The following TIAM2 variants were observed in gnomAD, a reference collection of about 807,000 sequenced individuals.
TIAM2 encodes rho guanine nucleotide exchange factor TIAM2.
In TIAM2, 80 loss-of-function variants were observed where a neutral mutation model predicts 152.9. The observed-to-expected ratio is 0.52, with a 90% CI of 0.44 to 0.63. The LOEUF (loss-of-function observed/expected upper bound fraction) is 0.63. Among genes scored for constraint, TIAM2 ranks in the 30% least tolerant of loss-of-function variants. The pLI, the probability that TIAM2 is intolerant of heterozygous loss-of-function variation, is 0.00. For synonymous variants in TIAM2, 804 were observed against 838.0 expected (o/e 0.96, Z 0.70); for missense variants, 1,965 against 2,120.1 (o/e 0.93, Z 1.44).
intron 14 of TIAM2, among the ~76,000 whole-genome samples, chr6:155,185,455 T>A (rs1360654774): frequency 6.6e-6 from 1 of 151,834 alleles, no homozygotes; most frequent in Non-Finnish European, 1.5e-5. Context: ...AATTTTTTTT[T>A]AAATAGTAAG....
chr6:155,102,767 TTGTGTG>T (rs56117781), intron 2 of TIAM2, among the ~76,000 whole-genome samples: 7,268 of 145,678 alleles, frequency 0.05, 336 homozygotes, highest in African/African-American at 0.12. Context: ...GATTAATTTA[TTGTGTG>T]TGTGTGTGTG....
chr6:155,153,624 T>TTC (rs1172310710), intron 7 of TIAM2, among the ~76,000 whole-genome samples: 1 of 135,740 alleles, frequency 7.4e-6, no homozygotes, highest in East Asian at 2.0e-4. Context: ...GTTTACGCTT[T>TTC]TTTTTTTTTT....
Position 155,225,838 on chromosome 6 carries a change from G to A in TIAM2, c.3168+14531G>A, listed in dbSNP as rs1007658864. On this transcript the variant is annotated intron_variant, in intron 15 of 26. Coordinates refer to ENST00000682666, the MANE Select transcript of TIAM2 (RefSeq NM_012454.4). ...CATTATTTTGAGAACCTGTTGATGA[G>A]GGTGCCAGATGTGACTGTTGCATTA... is the stretch of plus-strand genomic sequence containing the variant. 1.1e-4 allele frequency among the ~76,000 whole-genome samples: 17 copies of A among 152,136 alleles called. No individual in the cohort carries two copies. In the South Asian group the frequency reaches 3.1e-3, roughly 28 times the overall value.
chr6:155,168,867 A>G (rs750423493), intron 9 of TIAM2: 33 of 1,535,604 alleles, frequency 2.1e-5, no homozygotes, highest in South Asian at 3.6e-5. Flanking sequence ...AGTGGCAGCC[A>G]TGGATTTTCT....
In TIAM2 at chr6:155,033,104, C is replaced by T. The variant is rs915527852; in HGVS notation, c.-209+37612C>T. 5.9e-5 allele frequency among the ~76,000 whole-genome samples: 9 copies of T among 152,286 alleles called. No homozygotes were observed. The South Asian group carries it at 6.2e-4, about 11-fold the overall frequency. On this transcript the variant is annotated intron_variant, in intron 1 of 26. Coordinates refer to ENST00000682666, the MANE Select transcript of TIAM2 (RefSeq NM_012454.4). ...GATTTTCCTTGTTCCCGGGTCTTCT[C>T]GTTGCCTTCCTGAACATTTGGAGAA...
chr6:155,232,019 T>C (rs1782496818), intron 15 of TIAM2, among the ~76,000 whole-genome samples: 1 of 152,130 alleles, frequency 6.6e-6, no homozygotes, highest in African/African-American at 2.4e-5. Flanking sequence ...AGGCAGACAT[T>C]GCACTGAGCC....
intron 14 of TIAM2, among the ~76,000 whole-genome samples, chr6:155,191,005 G>T (rs1454114280): frequency 6.6e-6 from 1 of 152,192 alleles, no homozygotes; most frequent in Non-Finnish European, 1.5e-5. Context: ...TCATTGGGAA[G>T]GACCAAGTAT....
chr6:155,144,853 C>A, intron 6 of TIAM2, 75 bp downstream of exon 6: 1 of 1,469,218 alleles, frequency 6.8e-7, no homozygotes, highest in Non-Finnish European at 9.1e-7. Context: ...AAAGGCAAAA[C>A]TTGGAAATGA....
At chr6:155,108,232 T>C (rs1274117535) in intron 2 of TIAM2, among the ~76,000 whole-genome samples, 4 of 152,326 alleles carry the variant, frequency 2.6e-5, no homozygotes. Context: ...ATCGGTGTAT[T>C]GGGCATCCCC....
rs543298186 is a variant in TIAM2, at chr6:155,158,654, A to G, written c.2029-5761A>G. 6.7e-3 allele frequency among the ~76,000 whole-genome samples: 1,020 copies of G among 151,900 alleles called. 11 individuals are homozygous for G. Among genetic ancestry groups the G allele is most frequent in the Non-Finnish European group, 6.1e-3 (414 of 67,932 alleles). On this transcript the variant is annotated intron_variant, in intron 7 of 26. Coordinates refer to ENST00000682666, the MANE Select transcript of TIAM2 (RefSeq NM_012454.4). ...ACTGCAGCCTCAACCTCCTGGGCTC[A>G]AGCTATCCTCCCACCTCTGCCTCCC...
intron 9 of TIAM2, among the ~76,000 whole-genome samples, chr6:155,176,379 G>A (rs1458959695): frequency 6.6e-6 from 1 of 152,110 alleles, no homozygotes; most frequent in African/African-American, 2.4e-5. Flanking sequence ...GACTACAGGC[G>A]CACGTCAGCA....
chr6:155,125,745 G>C (rs944899098), intron 2 of TIAM2, among the ~76,000 whole-genome samples: 1 of 151,738 alleles, frequency 6.6e-6, no homozygotes, highest in Non-Finnish European at 1.5e-5. Flanking sequence ...GGCTGAGGCA[G>C]GGGAGTCACT....
At chr6:155,256,306 C>CA in intron 26 of TIAM2, 178 bp from the exon 27 acceptor site, 1 of 909,694 alleles carries the variant, frequency 1.1e-6, no homozygotes. Flanking sequence ...AAACCTAAGT[C>CA]AAAAATGTCC....
At position 155,118,361 on chromosome 6, in the gene TIAM2, A is replaced by G. The variant is rs1779063084; in HGVS notation, c.-117-9129A>G. On this transcript the variant is annotated intron_variant, in intron 2 of 26. Transcript: ENST00000682666. Reference sequence around the variant, plus strand: ...TTATGGAGCACCGTGTCTTTGAACAAGCCATTTTCTGTTCCCTGGAATTCC... The same window carrying G: ...TTATGGAGCACCGTGTCTTTGAACAGGCCATTTTCTGTTCCCTGGAATTCC... 1.3e-5 allele frequency among the ~76,000 whole-genome samples: 2 copies of G among 151,710 alleles called. 1 individual carries two copies. Among genetic ancestry groups the G allele is most frequent in the South Asian group, 4.2e-4 (2 of 4,802 alleles).
chr6:155,208,926 A>G (rs1016275870), intron 14 of TIAM2, among the ~76,000 whole-genome samples: 2 of 151,934 alleles, frequency 1.3e-5, no homozygotes, highest in African/African-American at 4.8e-5. Context: ...GGCTCCTCCT[A>G]GCATTGGCCT....
At chr6:155,089,872 A>G (rs1778260745) in intron 1 of TIAM2, among the ~76,000 whole-genome samples, 1 of 152,176 alleles carries the variant, frequency 6.6e-6, no homozygotes, top group Admixed American at 6.5e-5. Flanking sequence ...TATTTCTAGC[A>G]TCTGGAGTAG....
At chr6:155,164,275 T>G in intron 7 of TIAM2, 140 bp from the exon 8 acceptor site, 1 of 683,386 alleles carries the variant, frequency 1.5e-6, no homozygotes, top group Non-Finnish European at 2.3e-6. Context: ...TGAGATGGGG[T>G]GAGCAGGAAA....
chr6:155,084,792 T>C (rs7774465), intron 1 of TIAM2, among the ~76,000 whole-genome samples: 3,759 of 152,302 alleles, frequency 0.025, 156 homozygotes, highest in African/African-American at 0.087. Context: ...GTCTACTGGG[T>C]AACTCTACAG....
chr6:155,058,919 G>A (rs530227889), intron 1 of TIAM2, among the ~76,000 whole-genome samples: 6 of 152,314 alleles, frequency 3.9e-5, no homozygotes, highest in South Asian at 2.1e-4. Context: ...GGTATCTAAC[G>A]TAAACTGGAG....
Sources: allele counts gnomAD v4.1 joint callset (sites outside exome capture counted in the v4.1 genomes callset), GRCh38; gene constraint gnomAD v4.1.1; transcripts MANE v1.5; gene names NCBI Gene and HGNC (gene_info 2026-07-23, HGNC 2026-07-21).